The following C2CD3 variants were observed in gnomAD, a reference collection of about 807,000 sequenced individuals.
C2CD3 encodes C2 domain-containing protein 3.
C2CD3 carries 148 observed loss-of-function variants against 234.0 expected under a neutral mutation model. The observed-to-expected ratio is 0.63, with a 90% CI of 0.55 to 0.72. C2CD3 has a LOEUF of 0.72. C2CD3 is among the 30% of genes least tolerant of loss of function. C2CD3 has a pLI of 0.00. For missense variants in C2CD3, 2,577 were observed against 2,811.5 expected, an observed-to-expected ratio of 0.92 and a Z score of 1.89; for synonymous variants, 1,000 against 1,035.4, an observed-to-expected ratio of 0.97 and a Z score of 0.66.
chr11:74,038,366 G>A (rs1447187661), intron 29 of C2CD3, among the ~76,000 whole-genome samples: 1 of 152,194 alleles, frequency 6.6e-6, no homozygotes, highest in African/African-American at 2.4e-5. Flanking sequence ...TCTCCAATAA[G>A]AAATCACACC....
At position 74,168,792 on chromosome 11, in the gene C2CD3, C is replaced by A. The variant is rs76161643; in HGVS notation, c.56-179G>T. 0.017 allele frequency among the ~76,000 whole-genome samples: 2,584 copies of A among 152,264 alleles called. 41 individuals are homozygous for A. Among genetic ancestry groups the A allele is most frequent in the African/African-American group, 0.03 (1,258 of 41,546 alleles). On this transcript the variant is annotated intron_variant, in intron 1 of 32. Coordinates refer to ENST00000334126, the MANE Select transcript of C2CD3 (RefSeq NM_001286577.2). ...AATACATGAGAAGTAACTATCAAAT[C>A]AGACCACCGAATAATCTATCTGGTC...
At chr11:74,020,325 C>G (rs1011223523) in intron 32 of C2CD3, among the ~76,000 whole-genome samples, 7 of 152,246 alleles carry the variant, frequency 4.6e-5, no homozygotes, top group Non-Finnish European at 1.0e-4. Flanking sequence ...GCACACAGTG[C>G]TTGTACCTTC....
intron 3 of C2CD3, among the ~76,000 whole-genome samples, chr11:74,147,935 T>G (rs1855326761): frequency 6.6e-6 from 1 of 152,304 alleles, no homozygotes; most frequent in Middle Eastern, 3.4e-3. Flanking sequence ...TCAACTTACC[T>G]TTCTCAATTT....
intron 30 of C2CD3, chr11:74,036,485 C>G (rs1473190640): frequency 2.2e-6 from 1 of 455,936 alleles, no homozygotes; most frequent in Admixed American, 2.4e-5. Context: ...GGTTAGGTAT[C>G]TGGAAGAAGA....
chr11:74,083,830 T>C (rs1955511400), intron 22 of C2CD3, among the ~76,000 whole-genome samples: 1 of 152,166 alleles, frequency 6.6e-6, no homozygotes, highest in Admixed American at 6.5e-5. Flanking sequence ...TAGGAACGCT[T>C]TTACACTGTT....
chr11:74,076,421 G>GA (rs2135462723), intron 23 of C2CD3, among the ~76,000 whole-genome samples: 1 of 152,286 alleles, frequency 6.6e-6, no homozygotes, highest in East Asian at 1.9e-4. Flanking sequence ...ATGTTAAGCT[G>GA]AATAAAGATC....
intron 12 of C2CD3, chr11:74,107,906 T>A (rs1212836222): frequency 6.6e-6 from 1 of 151,862 alleles, no homozygotes; most frequent in Non-Finnish European, 1.5e-5. Context: ...ATCCCAGCAC[T>A]TTGGGAGGCC....
chr11:74,093,801 G>A lies in C2CD3; in HGVS notation c.3344+15C>T, dbSNP rs1955994552. 6.2e-7 allele frequency: 1 copy of A among 1,609,758 alleles called. No individual in the cohort carries two copies. The highest frequency in any genetic ancestry group is 1.3e-5 in the African/African-American group (1 of 74,902). The stretch of plus-strand genomic sequence containing the variant: ...CTTCCTTCCTAGGCATAGGACTGGG[G>A]TCTCCACACTGTACCTGCACCAGAT... On this transcript the variant is annotated intron_variant, in intron 18 of 32. Coordinates refer to ENST00000334126, the MANE Select transcript of C2CD3 (RefSeq NM_001286577.2).
chr11:74,132,241 C>A (rs749082066), intron 7 of C2CD3, among the ~76,000 whole-genome samples: 1 of 152,084 alleles, frequency 6.6e-6, no homozygotes, highest in Non-Finnish European at 1.5e-5. Flanking sequence ...GAACCAGCTA[C>A]TTGGGAGGCA....
intron 24 of C2CD3, among the ~76,000 whole-genome samples, chr11:74,059,432 A>AAAAG (rs1173312685): frequency 6.6e-6 from 1 of 151,056 alleles, no homozygotes; most frequent in African/African-American, 2.4e-5. Context: ...AAAAAAAAAA[A>AAAAG]AAAGAAAGAT....
rs1430630305 is a variant in C2CD3 at position 74,161,456 on chromosome 11, T to C, written c.426A>G (p.Gln142=). ...AAACAATGGTAAAAAATCCATTGAT[T>C]TGATGGGTTGGAGAAAGTTGAGCTA... is the stretch of plus-strand genomic sequence containing the variant. ...NGLAQLSPTH[Q]INGFFTIVSS... is the part of the protein sequence containing the mutation. Residue 142 remains glutamine, a synonymous_variant, in exon 3 of 33, where the codon CAA becomes CAG. Transcript: ENST00000334126. 1 of 1,601,568 alleles carries C rather than the reference T, an allele frequency of 6.2e-7. No individual in the cohort carries two copies. Among genetic ancestry groups the C allele is most frequent in the Non-Finnish European group, 8.5e-7 (1 of 1,173,414 alleles).
intron 31 of C2CD3, among the ~76,000 whole-genome samples, chr11:74,033,019 C>G (rs971583875): frequency 2.0e-5 from 3 of 152,152 alleles, no homozygotes; most frequent in African/African-American, 7.2e-5. Flanking sequence ...TCTCTAGACC[C>G]TCTGCTTCTC....
chr11:74,085,895 G>C lies in C2CD3; in HGVS notation c.3642-9C>G. On this transcript the variant is annotated splice_polypyrimidine_tract_variant and intron_variant, in intron 20 of 32. Transcript: ENST00000334126. ...CCCGTTCAGCCAAAGCCCTGTAGAGGAGAAGGGTGGAAATGAGAAGATACC... is the reference window on the plus strand; with the variant it reads ...CCCGTTCAGCCAAAGCCCTGTAGAGCAGAAGGGTGGAAATGAGAAGATACC... The C allele has an allele frequency of 6.2e-7, 1 of 1,601,086 alleles. No homozygotes were observed. Among genetic ancestry groups the C allele is most frequent in the Non-Finnish European group, 8.5e-7 (1 of 1,171,280 alleles).
chr11:74,056,372 C>T (rs908012352), intron 25 of C2CD3, among the ~76,000 whole-genome samples: 5 of 152,198 alleles, frequency 3.3e-5, no homozygotes, highest in Non-Finnish European at 4.4e-5. Flanking sequence ...ATTTAATTAG[C>T]CCTCTTTGTC....
chr11:74,013,721 G>A (rs536349241), intron 32 of C2CD3, among the ~76,000 whole-genome samples, 196 bp from the exon 33 acceptor site: 1 of 152,128 alleles, frequency 6.6e-6, no homozygotes, highest in African/African-American at 2.4e-5. Flanking sequence ...TCCCCATGTC[G>A]TGGATAAGGA....
At chr11:74,077,560 A>C (rs985844717) in intron 23 of C2CD3, among the ~76,000 whole-genome samples, 1 of 151,444 alleles carries the variant, frequency 6.6e-6, no homozygotes, top group Non-Finnish European at 1.5e-5. Context: ...GTTCTCACTC[A>C]TAAGTGGGAG....
chr11:74,034,301 C>T, intron 30 of C2CD3, 23 bp from the exon 31 acceptor site: 2 of 1,523,416 alleles, frequency 1.3e-6, no homozygotes, highest in African/African-American at 1.4e-5. Context: ...ACATATCACT[C>T]TTATTACAAG....
chr11:74,062,658 C>T (rs1250504025), intron 24 of C2CD3, among the ~76,000 whole-genome samples: 1 of 151,732 alleles, frequency 6.6e-6, no homozygotes. Flanking sequence ...ACTAAATGCC[C>T]ACAAGAGAAA....
chr11:74,095,478 T>C (rs574881878), intron 16 of C2CD3, 70 bp from the exon 17 acceptor site: 1 of 1,248,846 alleles, frequency 8.0e-7, no homozygotes, highest in Non-Finnish European at 1.1e-6. Context: ...TGCTTCTCTA[T>C]GAAGTCTGAG....
Sources: allele counts gnomAD v4.1 joint callset (sites outside exome capture counted in the v4.1 genomes callset), GRCh38; gene constraint gnomAD v4.1.1; transcripts MANE v1.5; gene names NCBI Gene and HGNC (gene_info 2026-07-23, HGNC 2026-07-21).